Variants in LDB2 observed in about 807,000 individuals in gnomAD.
The protein encoded by LDB2 is LIM domain binding 2.
In LDB2, 12 loss-of-function variants were observed where a neutral mutation model predicts 44.3. That is an observed-to-expected ratio of 0.27 (90% CI 0.17 to 0.44). LDB2 has a LOEUF of 0.44. LDB2 is among the 20% of genes least tolerant of loss of function. The pLI, the probability that LDB2 is intolerant of heterozygous loss-of-function variation, is 1.00. For missense variants in LDB2, 344 were observed against 473.5 expected, an observed-to-expected ratio of 0.73 and a Z score of 2.54; for synonymous variants, 164 against 174.8, an observed-to-expected ratio of 0.94 and a Z score of 0.49.
chr4:16,525,150 G>T (rs74607626), intron 5 of LDB2, among the ~76,000 whole-genome samples: 1 of 152,140 alleles, frequency 6.6e-6, no homozygotes, highest in African/African-American at 2.4e-5. Flanking sequence ...ATAAGTACCC[G>T]CAAGACTGTT....
intron 1 of LDB2, among the ~76,000 whole-genome samples, chr4:16,895,389 T>C (rs2110554756): frequency 6.6e-6 from 1 of 152,264 alleles, no homozygotes; most frequent in East Asian, 1.9e-4. Context: ...TCTTTACTAA[T>C]TTCTTTCCAT....
chr4:16,897,192 A>G (rs1250945949), intron 1 of LDB2, among the ~76,000 whole-genome samples: 2 of 152,198 alleles, frequency 1.3e-5, no homozygotes, highest in African/African-American at 4.8e-5. Context: ...TTTATCCCAT[A>G]GCACAAACTT....
intron 5 of LDB2, among the ~76,000 whole-genome samples, chr4:16,525,393 A>G (rs1727839792): frequency 6.6e-6 from 1 of 152,190 alleles, no homozygotes; most frequent in African/African-American, 2.4e-5. Flanking sequence ...TTTCTCAATA[A>G]TGCAGCACTC....
intron 2 of LDB2, among the ~76,000 whole-genome samples, chr4:16,697,266 TAC>T (rs57040700): frequency 0.19 from 24,848 of 130,538 alleles, 2,242 homozygotes; most frequent in Middle Eastern, 0.3. Context: ...CTACTAAAAA[TAC>T]ACACACACAC....
At chr4:16,702,447 G>T (rs1042658173) in intron 2 of LDB2, among the ~76,000 whole-genome samples, 1 of 152,110 alleles carries the variant, frequency 6.6e-6, no homozygotes, top group African/African-American at 2.4e-5. Flanking sequence ...ATCATTTTAG[G>T]CCTCAGCCCT....
chr4:16,691,185 G>C (rs1166199549), intron 2 of LDB2, among the ~76,000 whole-genome samples: 1 of 152,092 alleles, frequency 6.6e-6, no homozygotes. Context: ...ATCCAGGGCT[G>C]CTTGCCTCTA....
rs147287978 is a variant in LDB2, at chr4:16,509,550, G to A, written c.740-864C>T. Among the ~76,000 whole-genome samples the A allele has an allele frequency of 5.0e-3, 768 of 152,300 alleles. 7 individuals carry two copies. Among genetic ancestry groups the A allele is most frequent in the African/African-American group, 0.018 (736 of 41,578 alleles). ...TTTGTTTGTTTACTTATAAGGTATA[G>A]AACATTATGTAATGCTTGTCACTAT... On this transcript the variant is annotated intron_variant, in intron 6 of 7. Transcript: ENST00000304523.
chr4:16,520,008 A>G (rs985148432), intron 5 of LDB2, among the ~76,000 whole-genome samples: 17 of 152,192 alleles, frequency 1.1e-4, no homozygotes, highest in African/African-American at 3.9e-4. Flanking sequence ...TGCCCCAAAG[A>G]GTAGTAATCA....
At position 16,501,943 on chromosome 4, in the gene LDB2, TCTTTA is replaced by T. The variant is rs1717627371; in HGVS notation, c.*695_*699del. ...AAATTCTTAAGGGTCCAATTGTCTT[TCTTTA>T]CTTAAAAATCTGCCCTGGTGTCTTT... On this transcript the variant is annotated 3_prime_UTR_variant, in exon 8 of 8. Coordinates refer to ENST00000304523, the MANE Select transcript of LDB2 (RefSeq NM_001290.5). 1.3e-5 allele frequency: 2 copies of T among 152,698 alleles called. No individual in the cohort carries two copies. The highest frequency in any genetic ancestry group is 4.8e-5 in the African/African-American group (2 of 41,548). The allele number at this position is 152,698 out of a possible 1,614,324, so 9.5% of individuals were successfully genotyped here.
intron 2 of LDB2, among the ~76,000 whole-genome samples, chr4:16,666,663 G>A (rs780368550): frequency 1.3e-5 from 2 of 152,170 alleles, no homozygotes; most frequent in African/African-American, 2.4e-5. Flanking sequence ...TACCTGCTGC[G>A]AGGTAACAGT....
intron 1 of LDB2, among the ~76,000 whole-genome samples, chr4:16,877,290 G>A (rs1718724794): frequency 6.6e-6 from 1 of 152,148 alleles, no homozygotes; most frequent in South Asian, 2.1e-4. Flanking sequence ...TTGTCTTTGT[G>A]TCTTTGGAAT....
chr4:16,718,107 G>C (rs908768913), intron 2 of LDB2, among the ~76,000 whole-genome samples: 2 of 151,982 alleles, frequency 1.3e-5, no homozygotes, highest in African/African-American at 4.8e-5. Flanking sequence ...GAATTTTATT[G>C]GTGGGGGGTA....
At chr4:16,835,229 T>C (rs1784709247) in intron 1 of LDB2, among the ~76,000 whole-genome samples, 1 of 152,196 alleles carries the variant, frequency 6.6e-6, no homozygotes, top group African/African-American at 2.4e-5. Flanking sequence ...TAACCACTAA[T>C]CTTACAGAAA....
Position 16,547,387 on chromosome 4 carries a change from G to A in LDB2, c.616-35283C>T, listed in dbSNP as rs549630181. Among the ~76,000 whole-genome samples the A allele has an allele frequency of 1.6e-4, 24 of 152,290 alleles. 1 individual carries two copies. The South Asian group carries it at 4.8e-3, about 30-fold the overall frequency. ...TTTCTGTTGATTTAAACCATGAGGT[G>A]TGGTAATTTGTTACAGTGGCTGTAG... On this transcript the variant is annotated intron_variant, in intron 5 of 7. Coordinates refer to ENST00000304523, the MANE Select transcript of LDB2 (RefSeq NM_001290.5).
chr4:16,795,969 G>C (rs1776652100), intron 1 of LDB2, among the ~76,000 whole-genome samples: 1 of 152,192 alleles, frequency 6.6e-6, no homozygotes, highest in South Asian at 2.1e-4. Context: ...GGTCCCCGAA[G>C]TCAAAGAAAT....
chr4:16,731,132 C>T (rs1436248305), intron 2 of LDB2, among the ~76,000 whole-genome samples: 1 of 151,864 alleles, frequency 6.6e-6, no homozygotes, highest in Non-Finnish European at 1.5e-5. Flanking sequence ...AAGAAGGAGT[C>T]GATGACAATG....
intron 1 of LDB2, among the ~76,000 whole-genome samples, chr4:16,860,158 C>T (rs114448057): frequency 0.014 from 2,140 of 152,288 alleles, 28 homozygotes; most frequent in Non-Finnish European, 0.021. Flanking sequence ...TGGAAGAAGA[C>T]GGATGGATTT....
intron 5 of LDB2, among the ~76,000 whole-genome samples, chr4:16,566,426 A>G (rs1346727661): frequency 6.6e-6 from 1 of 152,158 alleles, no homozygotes; most frequent in Non-Finnish European, 1.5e-5. Flanking sequence ...AATATTTCAA[A>G]TCAGTGAGAA....
chr4:16,744,003 T>C (rs190839746), intron 2 of LDB2, among the ~76,000 whole-genome samples: 92 of 152,354 alleles, frequency 6.0e-4, no homozygotes, highest in African/African-American at 2.0e-3. Context: ...CTTCCCCCTA[T>C]ACTTGGCTCT....
Sources: allele counts gnomAD v4.1 joint callset (sites outside exome capture counted in the v4.1 genomes callset), GRCh38; gene constraint gnomAD v4.1.1; transcripts MANE v1.5; gene names NCBI Gene and HGNC (gene_info 2026-07-23, HGNC 2026-07-21).